CREB5: variants seen among roughly 807,000 people sequenced by gnomAD.
CREB5 encodes cAMP responsive element binding protein 5.
Under a neutral mutation model 57.1 loss-of-function variants are expected in CREB5, and 19 were observed. That is an observed-to-expected ratio of 0.33 (90% CI 0.23 to 0.49). The LOEUF is 0.49. Among genes scored for constraint, CREB5 ranks in the 20% least tolerant of loss-of-function variants. The pLI, the probability that CREB5 is intolerant of heterozygous loss-of-function variation, is 0.99. For synonymous variants in CREB5, 238 were observed against 238.3 expected, an observed-to-expected ratio of 1.00 and a Z score of 0.01; for missense variants, 579 against 671.6, an observed-to-expected ratio of 0.86 and a Z score of 1.52.
intron 7 of CREB5, among the ~76,000 whole-genome samples, chr7:28,747,851 G>A (rs2128761526): frequency 6.6e-6 from 1 of 152,318 alleles, no homozygotes; most frequent in South Asian, 2.1e-4. Context: ...CCTTTAACTT[G>A]TTAAGGGCGC....
chr7:28,535,947 T>C (rs1793950517), intron 4 of CREB5, among the ~76,000 whole-genome samples: 2 of 152,176 alleles, frequency 1.3e-5, no homozygotes, highest in South Asian at 4.1e-4. Flanking sequence ...GAGAAAACTG[T>C]GTTACAACTT....
intron 7 of CREB5, among the ~76,000 whole-genome samples, chr7:28,729,361 C>G (rs1262802257): frequency 1.3e-5 from 2 of 152,228 alleles, no homozygotes; most frequent in Non-Finnish European, 2.9e-5. Flanking sequence ...AACAGTGCTT[C>G]TGTCGGCTCG....
chr7:28,332,567 TGTACACCTTCCC>T (rs1023063267), intron 1 of CREB5, among the ~76,000 whole-genome samples: 3 of 152,188 alleles, frequency 2.0e-5, no homozygotes, highest in Non-Finnish European at 4.4e-5. Context: ...ATTACAACCC[TGTACACCTTCCC>T]GTCTCCTCAC....
At chr7:28,810,333 G>A (rs1809037194) in intron 9 of CREB5, among the ~76,000 whole-genome samples, 1 of 152,150 alleles carries the variant, frequency 6.6e-6, no homozygotes, top group Admixed American at 6.5e-5. Flanking sequence ...TGAGAGAATG[G>A]CCAAAGAGAG....
chr7:28,754,286 G>A (rs770819718), intron 7 of CREB5, among the ~76,000 whole-genome samples: 1 of 152,168 alleles, frequency 6.6e-6, no homozygotes, highest in Non-Finnish European at 1.5e-5. Flanking sequence ...TGTTTGTGCC[G>A]GGCTGCAGCC....
chr7:28,732,125 A>T (rs1283188829), intron 7 of CREB5, among the ~76,000 whole-genome samples: 3 of 151,796 alleles, frequency 2.0e-5, no homozygotes, highest in Non-Finnish European at 1.5e-5. Context: ...GCCCCTTTCC[A>T]TTCCATCTTT....
In CREB5 at chr7:28,818,079, G is replaced by A. The variant is rs1400010887; in HGVS notation, c.1263G>A (p.Val421=). ...TQTNMQLQNE[V]SMLKNEVAQL... ...ATACATATCTCTTTTAGAATGAAGT[G>A]TCTATGTTGAAAAATGAGGTGGCCC... Residue 421 remains valine, a synonymous_variant, in exon 10 of 11, where the codon GTG becomes GTA. Coordinates refer to ENST00000357727, the MANE Select transcript of CREB5 (RefSeq NM_182898.4). 1.2e-6 allele frequency: 2 copies of A among 1,612,976 alleles called. No individual in the cohort carries two copies. The highest frequency in any genetic ancestry group is 1.7e-6 in the Non-Finnish European group (2 of 1,179,206).
intron 5 of CREB5, among the ~76,000 whole-genome samples, chr7:28,650,973 C>A (rs930648527): frequency 6.6e-6 from 1 of 152,152 alleles, no homozygotes; most frequent in African/African-American, 2.4e-5. Context: ...GGTAACAGAA[C>A]GCCTTTTACA....
chr7:28,431,264 A>G (rs1047009041), intron 1 of CREB5, among the ~76,000 whole-genome samples: 1 of 152,222 alleles, frequency 6.6e-6, no homozygotes, highest in Non-Finnish European at 1.5e-5. Flanking sequence ...GTACCAGAGG[A>G]CGGGTCACTG....
At chr7:28,385,129 T>C (rs1787061012) in intron 1 of CREB5, among the ~76,000 whole-genome samples, 2 of 152,222 alleles carry the variant, frequency 1.3e-5, no homozygotes, top group African/African-American at 4.8e-5. Flanking sequence ...AAAATAGTAC[T>C]ATAGCTTATA....
chr7:28,453,368 A>G (rs1789924434), intron 1 of CREB5, among the ~76,000 whole-genome samples: 1 of 152,098 alleles, frequency 6.6e-6, no homozygotes, highest in Non-Finnish European at 1.5e-5. Context: ...GGGCCTGGGA[A>G]GTAGAGGCTG....
At chr7:28,659,656 G>T (rs1171919856) in intron 5 of CREB5, among the ~76,000 whole-genome samples, 1 of 152,058 alleles carries the variant, frequency 6.6e-6, no homozygotes, top group African/African-American at 2.4e-5. Flanking sequence ...CAAAAAAACT[G>T]ATGCAATATG....
chr7:28,577,090 G>A (rs890031283), intron 5 of CREB5, among the ~76,000 whole-genome samples: 1 of 152,314 alleles, frequency 6.6e-6, no homozygotes, highest in Admixed American at 6.5e-5. Context: ...AGAGTTCATG[G>A]ATTTTAGACA....
chr7:28,484,174 G>A (rs1265825420), intron 1 of CREB5, among the ~76,000 whole-genome samples: 1 of 152,208 alleles, frequency 6.6e-6, no homozygotes, highest in Non-Finnish European at 1.5e-5. Flanking sequence ...AGGGAGAACA[G>A]CCTCGTTCAA....
chr7:28,325,778 T>C (rs1073297), intron 1 of CREB5, among the ~76,000 whole-genome samples: 4 of 152,116 alleles, frequency 2.6e-5, no homozygotes, highest in African/African-American at 9.7e-5. Context: ...GACTTAAATG[T>C]CACCCTTGTT....
chr7:28,477,720 G>A (rs2128587531), intron 1 of CREB5, among the ~76,000 whole-genome samples: 1 of 152,290 alleles, frequency 6.6e-6, no homozygotes, highest in South Asian at 2.1e-4. Flanking sequence ...GTGTTTTAGT[G>A]GATTTGCAGG....
chr7:28,707,762 T>A lies in CREB5; in HGVS notation c.465-10991T>A, dbSNP rs561350833. 7.4e-4 allele frequency among the ~76,000 whole-genome samples: 112 copies of A among 152,356 alleles called. 3 individuals carry two copies. The South Asian group carries it at 0.015, about 20-fold the overall frequency. On this transcript the variant is annotated intron_variant, in intron 5 of 10. Coordinates refer to ENST00000357727, the MANE Select transcript of CREB5 (RefSeq NM_182898.4). The stretch of plus-strand genomic sequence containing the variant: ...GGGAGATATTCTTTTCTAAGTTAAA[T>A]CCACATGCTGCTGATGTACTGTTAC...
At chr7:28,495,073 T>C in intron 3 of CREB5, 74 bp downstream of exon 3, 3 of 1,008,854 alleles carry the variant, frequency 3.0e-6, no homozygotes, top group Non-Finnish European at 4.3e-6. Flanking sequence ...CTTCTTTTGG[T>C]AGGCGAGTCC....
At chr7:28,727,443 C>G (rs998214909) in intron 7 of CREB5, among the ~76,000 whole-genome samples, 11 of 151,928 alleles carry the variant, frequency 7.2e-5, no homozygotes, top group African/African-American at 2.7e-4. Context: ...TTTTAACATT[C>G]AAAGGGGAAA....
Sources: gnomAD v4.1 joint callset for allele counts (sites outside exome capture counted in the v4.1 genomes callset) on GRCh38, gnomAD v4.1.1 for gene constraint, MANE v1.5 for transcripts, NCBI Gene and HGNC (gene_info 2026-07-23, HGNC 2026-07-21) for gene names.